TTC23: variants seen among roughly 807,000 people sequenced by gnomAD.
The protein encoded by TTC23 is tetratricopeptide repeat protein 23.
A neutral mutation model predicts 55.1 loss-of-function variants in TTC23; 58 were observed. That is an observed-to-expected ratio of 1.05 (90% CI 0.85 to 1.31). The LOEUF (loss-of-function observed/expected upper bound fraction) is 1.31, where lower values mean the gene tolerates loss of function less well. Among genes scored for constraint, TTC23 ranks in the 50% most tolerant of loss-of-function variants. The pLI is 0.00. For synonymous variants in TTC23, 203 were observed against 199.9 expected, an observed-to-expected ratio of 1.02 and a Z score of -0.13; for missense variants, 516 against 534.4, an observed-to-expected ratio of 0.97 and a Z score of 0.34.
intron 2 of TTC23, among the ~76,000 whole-genome samples, chr15:99,244,700 C>T (rs2080091579): frequency 6.6e-6 from 1 of 152,106 alleles, no homozygotes; most frequent in African/African-American, 2.4e-5. Flanking sequence ...AGATAGAATA[C>T]TCCTCAAATT....
chr15:99,163,259 G>A (rs1212960184), intron 10 of TTC23, among the ~76,000 whole-genome samples: 1 of 152,186 alleles, frequency 6.6e-6, no homozygotes, highest in African/African-American at 2.4e-5. Flanking sequence ...TTGATGAGAA[G>A]GATTTTGCCT....
chr15:99,217,204 TGGA>T (rs1426222609), intron 8 of TTC23, among the ~76,000 whole-genome samples: 1 of 151,982 alleles, frequency 6.6e-6, no homozygotes, highest in East Asian at 1.9e-4. Context: ...TCACCCAGGC[TGGA>T]GTGCAGTGGT....
chr15:99,156,114 C>T lies in TTC23; in HGVS notation c.1143+34G>A, dbSNP rs748766124. 5 of 1,613,576 alleles carry T rather than the reference C, an allele frequency of 3.1e-6. No homozygotes were observed. In the South Asian group the frequency reaches 5.5e-5, roughly 18 times the overall value. Reference sequence around the variant, plus strand: ...TTGACCTTGGAGAGGGGAGGGAGAGCCTAGTCTCGTGTTAGTACTGGTTCC... The same window carrying T: ...TTGACCTTGGAGAGGGGAGGGAGAGTCTAGTCTCGTGTTAGTACTGGTTCC... On this transcript the variant is annotated intron_variant, in intron 12 of 13. Transcript: ENST00000394132.
At chr15:99,212,457 T>C (rs995610540) in intron 8 of TTC23, among the ~76,000 whole-genome samples, 2 of 152,302 alleles carry the variant, frequency 1.3e-5, no homozygotes. Context: ...ACTGTGCACA[T>C]AAGAATACAT....
intron 2 of TTC23, among the ~76,000 whole-genome samples, chr15:99,243,009 C>G (rs958985110): frequency 9.9e-5 from 15 of 152,028 alleles, no homozygotes; most frequent in African/African-American, 3.6e-4. Context: ...GGGATCACAT[C>G]AAGTAAAAAA....
chr15:99,223,769 C>T (rs1376878447), intron 5 of TTC23, among the ~76,000 whole-genome samples: 2 of 152,210 alleles, frequency 1.3e-5, no homozygotes, highest in Non-Finnish European at 2.9e-5. Flanking sequence ...CGGAGCAAAG[C>T]TGAGCAAACC....
chr15:99,167,139 A>C (rs113408905), intron 10 of TTC23, among the ~76,000 whole-genome samples: 1 of 113,506 alleles, frequency 8.8e-6, no homozygotes, highest in Non-Finnish European at 2.0e-5. Context: ...CTGGCAATGG[A>C]CATCCCAGTC....
intron 8 of TTC23, among the ~76,000 whole-genome samples, chr15:99,211,410 T>A (rs930392505): frequency 6.6e-6 from 1 of 151,800 alleles, no homozygotes; most frequent in Non-Finnish European, 1.5e-5. Context: ...GAAGTAAGTA[T>A]ATACAATTGT....
At chr15:99,244,504 T>C (rs1018652834) in intron 2 of TTC23, among the ~76,000 whole-genome samples, 3 of 152,076 alleles carry the variant, frequency 2.0e-5, no homozygotes, top group African/African-American at 7.2e-5. Flanking sequence ...ATGTCAGCAA[T>C]AAATAATCTG....
chr15:99,198,692 T>C (rs1017418319), intron 9 of TTC23, among the ~76,000 whole-genome samples: 37 of 152,180 alleles, frequency 2.4e-4, no homozygotes, highest in African/African-American at 8.4e-4. Context: ...TGGGAAATAA[T>C]CATGTGTCAC....
At chr15:99,242,500 G>A (rs979123096) in intron 2 of TTC23, among the ~76,000 whole-genome samples, 3 of 152,158 alleles carry the variant, frequency 2.0e-5, no homozygotes, top group African/African-American at 4.8e-5. Context: ...TATGAGGTCA[G>A]TATTACCCTG....
Position 99,224,150 on chromosome 15 carries a change from G to A in TTC23, c.181-2286C>T, listed in dbSNP as rs1596861404. On this transcript the variant is annotated intron_variant, in intron 5 of 13. Transcript: ENST00000394132. ...CACTTTTGTGACCTAGCAGGAGGAA[G>A]CTAAGGAATACATGCTCACCATAAA... Among the ~76,000 whole-genome samples the A allele has an allele frequency of 2.0e-5, 3 of 152,194 alleles. No individual in the cohort carries two copies. In the East Asian group the frequency reaches 5.8e-4, roughly 29 times the overall value.
chr15:99,229,757 G>A (rs1251014978), intron 4 of TTC23, among the ~76,000 whole-genome samples: 1 of 152,176 alleles, frequency 6.6e-6, no homozygotes, highest in Non-Finnish European at 1.5e-5. Context: ...TAAGGCTGGC[G>A]CCTGTTCCCA....
chr15:99,185,335 C>T (rs1352702396), intron 9 of TTC23, among the ~76,000 whole-genome samples: 1 of 152,214 alleles, frequency 6.6e-6, no homozygotes, highest in East Asian at 1.9e-4. Context: ...GAGAACTCTG[C>T]ACCTGCCAGG....
Position 99,138,228 on chromosome 15 carries a change from GA to G in TTC23, c.1227-102del, listed in dbSNP as rs558679826. ...CCAGCAGGTGCCCAGACCCATTTAT[GA>G]GAAGACTTGGTAGGGGCTATAAATG... On this transcript the variant is annotated intron_variant, in intron 13 of 13. Coordinates refer to ENST00000394132, the MANE Select transcript of TTC23 (RefSeq NM_001288615.3). 2.0e-3 allele frequency: 2,858 copies of G among 1,445,976 alleles called. 5 individuals are homozygous for G. The highest frequency in any genetic ancestry group is 2.5e-3 in the Non-Finnish European group (2,645 of 1,063,480). The allele number at this position is 1,445,976 out of a possible 1,614,324, so 89.6% of individuals were successfully genotyped here. A position where few individuals can be genotyped will look rare whatever the true frequency, so the allele number is the denominator to read the frequency against.
chr15:99,156,334 T>G (rs1452693720), intron 11 of TTC23, 37 bp from the exon 12 acceptor site: 2 of 1,608,728 alleles, frequency 1.2e-6, no homozygotes, highest in South Asian at 2.2e-5. Context: ...GTTAACAAGC[T>G]CAAAGGCTGA....
At chr15:99,234,100 C>T (rs1378290342) in intron 4 of TTC23, among the ~76,000 whole-genome samples, 1 of 152,066 alleles carries the variant, frequency 6.6e-6, no homozygotes, top group African/African-American at 2.4e-5. Context: ...AAGAAAACAC[C>T]TGTGACCATG....
chr15:99,242,122 A>G (rs1169262672), intron 2 of TTC23, among the ~76,000 whole-genome samples: 1 of 138,502 alleles, frequency 7.2e-6, no homozygotes, highest in Non-Finnish European at 1.5e-5. Context: ...ACAGAACAAG[A>G]TCCTGTCTCA....
intron 9 of TTC23, among the ~76,000 whole-genome samples, chr15:99,197,051 C>T (rs539381615): frequency 1.2e-4 from 18 of 152,022 alleles, no homozygotes; most frequent in African/African-American, 4.3e-4. Context: ...GCCAACTACA[C>T]TTACTGTTTT....
Sources: allele counts gnomAD v4.1 joint callset (sites outside exome capture counted in the v4.1 genomes callset), GRCh38; gene constraint gnomAD v4.1.1; transcripts MANE v1.5; gene names NCBI Gene and HGNC (gene_info 2026-07-23, HGNC 2026-07-21).